MSH3: variants seen among roughly 807,000 people sequenced by gnomAD.
MSH3 encodes mutS homolog 3.
MSH3 carries 106 observed loss-of-function variants against 123.3 expected under a neutral mutation model. The ratio of observed to expected loss-of-function variants is 0.86; its 90% confidence interval spans 0.73 to 1.01. The LOEUF (loss-of-function observed/expected upper bound fraction) is 1.01, where lower values mean the gene tolerates loss of function less well. MSH3 is among the 50% of genes least tolerant of loss of function. MSH3 has a pLI of 0.00. For missense variants in MSH3, 1,459 were observed against 1,347.6 expected, an observed-to-expected ratio of 1.08 and a Z score of -1.29; for synonymous variants, 515 against 481.4, an observed-to-expected ratio of 1.07 and a Z score of -0.91.
At chr5:80,719,748 T>C (rs1458144978) in intron 8 of MSH3, among the ~76,000 whole-genome samples, 1 of 152,230 alleles carries the variant, frequency 6.6e-6, no homozygotes, top group Admixed American at 6.5e-5. Flanking sequence ...TAGCCTCCAT[T>C]GAGAGTCTTA....
At chr5:80,749,729 T>C (rs545122651) in intron 12 of MSH3, among the ~76,000 whole-genome samples, 2 of 152,236 alleles carry the variant, frequency 1.3e-5, no homozygotes, top group East Asian at 1.9e-4. Flanking sequence ...GTTGAGAACA[T>C]TTAAAACCCT....
At position 80,675,040 on chromosome 5, in the gene MSH3, A is replaced by C. The variant is rs373336770; in HGVS notation, c.1085A>C (p.Asp362Ala). ...GTAAATGTTGATGAGATAATGACTG[A>C]TACTTCTACCAGCTATCTTCTGTGC... ...DAVNVDEIMTDTSTSYLLCIS... is the reference protein window; with the variant it reads ...DAVNVDEIMTATSTSYLLCIS... Residue 362 changes from aspartate to alanine, a missense_variant, in exon 7 of 24, where the codon GAT becomes GCT. By Grantham distance (126) the Asp-to-Ala change is moderately radical. Coordinates refer to ENST00000265081, the MANE Select transcript of MSH3 (RefSeq NM_002439.5). 1.9e-6 allele frequency: 3 copies of C among 1,613,268 alleles called. No homozygotes were observed. Among genetic ancestry groups the C allele is most frequent in the Non-Finnish European group, 2.5e-6 (3 of 1,179,370 alleles).
At position 80,675,139 on chromosome 5, in the gene MSH3, T is replaced by C. The variant is rs374581205; in HGVS notation, c.1173+11T>C. Reference sequence around the variant, plus strand: ...TTTATTGGCATTGTGGTAAGTACTTTGCAGGTGAGGAACAAATGTTAGATG... The same window carrying C: ...TTTATTGGCATTGTGGTAAGTACTTCGCAGGTGAGGAACAAATGTTAGATG... On this transcript the variant is annotated intron_variant, in intron 7 of 23. Transcript: ENST00000265081. The C allele has an allele frequency of 9.3e-6, 15 of 1,613,528 alleles. No individual in the cohort carries two copies. In the African/African-American group the frequency reaches 1.9e-4, roughly 20 times the overall value.
At chr5:80,698,312 A>G (rs1188076341) in intron 8 of MSH3, among the ~76,000 whole-genome samples, 1 of 152,214 alleles carries the variant, frequency 6.6e-6, no homozygotes, top group African/African-American at 2.4e-5. Context: ...AAACACAGTT[A>G]TTGAGTGGCT....
At chr5:80,868,996 A>C (rs1458358415) in intron 22 of MSH3, among the ~76,000 whole-genome samples, 1 of 152,092 alleles carries the variant, frequency 6.6e-6, no homozygotes, top group African/African-American at 2.4e-5. Flanking sequence ...GTCATCAGTA[A>C]AATGCCCCAC....
intron 12 of MSH3, among the ~76,000 whole-genome samples, chr5:80,761,319 A>G (rs2112879621): frequency 6.6e-6 from 1 of 152,284 alleles, no homozygotes; most frequent in South Asian, 2.1e-4. Flanking sequence ...CCCTGCTGCC[A>G]AAGGCGTGAA....
At chr5:80,846,593 A>G (rs1192262399) in intron 20 of MSH3, among the ~76,000 whole-genome samples, 1 of 151,886 alleles carries the variant, frequency 6.6e-6, no homozygotes, top group Non-Finnish European at 1.5e-5. Flanking sequence ...CTTTGTTTAC[A>G]CTGTGAGCTA....
At chr5:80,695,090 T>G (rs1319033601) in intron 8 of MSH3, among the ~76,000 whole-genome samples, 20 of 147,554 alleles carry the variant, frequency 1.4e-4, no homozygotes, top group Admixed American at 3.4e-4. Flanking sequence ...TTTTGTTGTT[T>G]TTTTTTTTTT....
At chr5:80,865,935 A>G (rs1358662916) in intron 22 of MSH3, among the ~76,000 whole-genome samples, 1 of 152,208 alleles carries the variant, frequency 6.6e-6, no homozygotes, top group Non-Finnish European at 1.5e-5. Flanking sequence ...AAATTCTCTT[A>G]TGGAAGTAGT....
chr5:80,700,485 A>G (rs1750582826), intron 8 of MSH3, among the ~76,000 whole-genome samples: 1 of 152,236 alleles, frequency 6.6e-6, no homozygotes. Context: ...TTAGTATTAA[A>G]AAATCTGTCA....
At chr5:80,689,848 A>G (rs1409293714) in intron 8 of MSH3, among the ~76,000 whole-genome samples, 1 of 151,858 alleles carries the variant, frequency 6.6e-6, no homozygotes, top group Non-Finnish European at 1.5e-5. Context: ...CTGTGCTATG[A>G]TATTGCTGTA....
At chr5:80,836,623 T>G (rs1272861335) in intron 20 of MSH3, among the ~76,000 whole-genome samples, 1 of 148,306 alleles carries the variant, frequency 6.7e-6, no homozygotes, top group Non-Finnish European at 1.5e-5. Context: ...GACCCCCCAG[T>G]ATGAAAATCT....
chr5:80,672,208 A>G (rs1190370356), intron 4 of MSH3, 36 bp from the exon 5 acceptor site: 7 of 1,417,438 alleles, frequency 4.9e-6, no homozygotes, highest in Non-Finnish European at 6.9e-6. Context: ...ATCTTAAAAT[A>G]TAAATTTATT....
chr5:80,819,686 C>T (rs1024599507), intron 20 of MSH3, among the ~76,000 whole-genome samples: 1 of 151,894 alleles, frequency 6.6e-6, no homozygotes, highest in Admixed American at 6.6e-5. Flanking sequence ...GGGGTTTCGC[C>T]ATGTTGGCCA....
Position 80,834,432 on chromosome 5 carries a change from A to G in MSH3, c.2814-19698A>G, listed in dbSNP as rs781661996. On this transcript the variant is annotated intron_variant, in intron 20 of 23. Coordinates refer to ENST00000265081, the MANE Select transcript of MSH3 (RefSeq NM_002439.5). Reference sequence around the variant, plus strand: ...ACACAACCTTGTGGATGTTAATACCACTGAACTGTGTACCTAAGAAATGCT... The same window carrying G: ...ACACAACCTTGTGGATGTTAATACCGCTGAACTGTGTACCTAAGAAATGCT... 6.0e-5 allele frequency among the ~76,000 whole-genome samples: 9 copies of G among 150,216 alleles called. 1 individual carries two copies. In the East Asian group the frequency reaches 1.7e-3, roughly 29 times the overall value.
intron 20 of MSH3, among the ~76,000 whole-genome samples, chr5:80,848,487 C>T (rs1580088137): frequency 6.6e-6 from 1 of 152,076 alleles, no homozygotes; most frequent in African/African-American, 2.4e-5. Flanking sequence ...AAAGACATAC[C>T]CGAGACTGGG....
At chr5:80,734,288 G>T (rs191317627) in intron 10 of MSH3, among the ~76,000 whole-genome samples, 1 of 152,292 alleles carries the variant, frequency 6.6e-6, no homozygotes, top group East Asian at 1.9e-4. Flanking sequence ...GTTGCCTAGG[G>T]CTCTTGGGTT....
Position 80,775,687 on chromosome 5 carries a change from GT to G in MSH3, c.2254-3del. On this transcript the variant is annotated splice_polypyrimidine_tract_variant and splice_region_variant and intron_variant, in intron 15 of 23. Transcript: ENST00000265081. The stretch of plus-strand genomic sequence containing the variant: ...TCTAAATCTCTGTTTATTTGTATTT[GT>G]TTTAGTTTATGATAGAAATAAAGAA... 6.9e-7 allele frequency: 1 copy of G among 1,448,598 alleles called. No individual in the cohort carries two copies. Among genetic ancestry groups the G allele is most frequent in the Non-Finnish European group, 9.7e-7 (1 of 1,030,930 alleles). 89.7% of individuals were successfully genotyped at this position (1,448,598 alleles called of 1,614,324 possible). A position where few individuals can be genotyped will look rare whatever the true frequency, so the allele number is the denominator to read the frequency against.
intron 20 of MSH3, among the ~76,000 whole-genome samples, chr5:80,817,149 A>C (rs1419895397): frequency 6.6e-6 from 1 of 152,188 alleles, no homozygotes; most frequent in Non-Finnish European, 1.5e-5. Flanking sequence ...AAAACCAACA[A>C]AGGAGGTGTA....
Sources: allele counts gnomAD v4.1 joint callset (sites outside exome capture counted in the v4.1 genomes callset), GRCh38; gene constraint gnomAD v4.1.1; transcripts MANE v1.5; gene names NCBI Gene and HGNC (gene_info 2026-07-23, HGNC 2026-07-21).